Variants in APBB1IP observed in about 807,000 individuals in gnomAD.
APBB1IP encodes amyloid beta A4 precursor protein-binding family B member 1-interacting protein.
A neutral mutation model predicts 64.9 loss-of-function variants in APBB1IP; 27 were observed. The ratio of observed to expected loss-of-function variants is 0.42; its 90% confidence interval spans 0.31 to 0.57. The LOEUF is 0.57. Among genes scored for constraint, APBB1IP ranks in the 20% least tolerant of loss-of-function variants. APBB1IP has a pLI of 0.20. For missense variants in APBB1IP, 812 were observed against 845.5 expected, an observed-to-expected ratio of 0.96 and a Z score of 0.49; for synonymous variants, 392 against 331.0, an observed-to-expected ratio of 1.18 and a Z score of -2.00.
chr10:26,511,637 A>G (rs1433124876), intron 6 of APBB1IP, 110 bp from the exon 7 acceptor site: 3 of 1,331,136 alleles, frequency 2.3e-6, no homozygotes, highest in Admixed American at 4.3e-5. Context: ...AAGTTCACCA[A>G]ACACATTCTT....
chr10:26,561,064 CTTTTTTTTTT>C (rs764573338), intron 13 of APBB1IP, among the ~76,000 whole-genome samples: 13 of 69,218 alleles, frequency 1.9e-4, no homozygotes, highest in African/African-American at 3.6e-4. Flanking sequence ...TTCTTTCTTT[CTTTTTTTTTT>C]TTTTTTTTTT....
At chr10:26,472,069 T>G (rs1255243558) in intron 2 of APBB1IP, among the ~76,000 whole-genome samples, 1 of 152,110 alleles carries the variant, frequency 6.6e-6, no homozygotes, top group African/African-American at 2.4e-5. Flanking sequence ...CAGTGACAGA[T>G]GCAGAACGTT....
chr10:26,547,445 T>C (rs1379145386), intron 11 of APBB1IP, among the ~76,000 whole-genome samples: 3 of 152,140 alleles, frequency 2.0e-5, no homozygotes, highest in Non-Finnish European at 2.9e-5. Flanking sequence ...TGCTTTGTTT[T>C]GTTTTGTTTT....
At chr10:26,490,578 T>C (rs1403029964) in intron 2 of APBB1IP, among the ~76,000 whole-genome samples, 2 of 152,070 alleles carry the variant, frequency 1.3e-5, no homozygotes, top group Non-Finnish European at 2.9e-5. Flanking sequence ...TGATGTGAGA[T>C]TGCACCACTG....
intron 2 of APBB1IP, among the ~76,000 whole-genome samples, chr10:26,472,405 C>T (rs1008293101): frequency 6.6e-6 from 1 of 152,170 alleles, no homozygotes; most frequent in African/African-American, 2.4e-5. Flanking sequence ...CCACCTTCTC[C>T]TCATGTCTTT....
chr10:26,553,647 G>A (rs7096704), intron 11 of APBB1IP, among the ~76,000 whole-genome samples: 35,395 of 152,036 alleles, frequency 0.23, 4,603 homozygotes, highest in Non-Finnish European at 0.28. Context: ...AACAGAGGCA[G>A]ACCCTTTCTC....
chr10:26,554,431 T>C (rs1836869475), intron 11 of APBB1IP, among the ~76,000 whole-genome samples: 1 of 152,246 alleles, frequency 6.6e-6, no homozygotes, highest in Non-Finnish European at 1.5e-5. Context: ...AGTGCTGGCA[T>C]TCCTTGGCTT....
rs575420852 is a variant in APBB1IP, at chr10:26,454,590, G to A, written c.-1+15737G>A. Among the ~76,000 whole-genome samples the A allele has an allele frequency of 7.2e-5, 11 of 152,282 alleles. No individual in the cohort carries two copies. The East Asian group carries it at 2.1e-3, about 29-fold the overall frequency. ...GCTGGGAATGGTAGCTGGGGTGGGGGAGATGTGGGGTAGTTAATGGGTCCA... is the reference window on the plus strand; with the variant it reads ...GCTGGGAATGGTAGCTGGGGTGGGGAAGATGTGGGGTAGTTAATGGGTCCA... On this transcript the variant is annotated intron_variant, in intron 2 of 14. Coordinates refer to ENST00000376236, the MANE Select transcript of APBB1IP (RefSeq NM_019043.4).
chr10:26,490,716 A>G (rs1421291691), intron 2 of APBB1IP, among the ~76,000 whole-genome samples: 2 of 152,212 alleles, frequency 1.3e-5, no homozygotes, highest in African/African-American at 4.8e-5. Flanking sequence ...TAAAATATCT[A>G]TTGTAGGAAG....
At chr10:26,460,272 C>G (rs1213203998) in intron 2 of APBB1IP, among the ~76,000 whole-genome samples, 1 of 152,158 alleles carries the variant, frequency 6.6e-6, no homozygotes, top group African/African-American at 2.4e-5. Context: ...TAGTTTGCAT[C>G]TTCTTTTCCC....
chr10:26,512,350 C>G (rs1356676078), intron 7 of APBB1IP, among the ~76,000 whole-genome samples: 1 of 152,054 alleles, frequency 6.6e-6, no homozygotes. Flanking sequence ...GCTTAATAAG[C>G]TGAGCAGGTG....
chr10:26,560,522 G>GA (rs1280739458), intron 12 of APBB1IP, among the ~76,000 whole-genome samples: 1 of 152,158 alleles, frequency 6.6e-6, no homozygotes, highest in Non-Finnish European at 1.5e-5. Context: ...ATATGTAGGT[G>GA]AAAAAATTAA....
At chr10:26,494,793 C>T (rs1371425597) in intron 3 of APBB1IP, among the ~76,000 whole-genome samples, 1 of 151,660 alleles carries the variant, frequency 6.6e-6, no homozygotes, top group Non-Finnish European at 1.5e-5. Context: ...CCATTGCACT[C>T]CAGCCTGGGC....
intron 11 of APBB1IP, among the ~76,000 whole-genome samples, chr10:26,552,802 C>T (rs1413757246): frequency 6.6e-6 from 1 of 152,126 alleles, no homozygotes; most frequent in African/African-American, 2.4e-5. Context: ...GGAACCACAT[C>T]GTCAGCCACT....
At chr10:26,496,891 T>C (rs1345457674) in intron 4 of APBB1IP, among the ~76,000 whole-genome samples, 3 of 151,956 alleles carry the variant, frequency 2.0e-5, no homozygotes, top group Non-Finnish European at 4.4e-5. Context: ...TTTATTTTAT[T>C]ACCAAAAATC....
At chr10:26,502,735 A>G (rs962489728) in intron 5 of APBB1IP, among the ~76,000 whole-genome samples, 1 of 152,168 alleles carries the variant, frequency 6.6e-6, no homozygotes, top group Non-Finnish European at 1.5e-5. Flanking sequence ...CCAAAAAGAC[A>G]TCCTGATCCA....
intron 4 of APBB1IP, among the ~76,000 whole-genome samples, chr10:26,499,132 C>T (rs897744784): frequency 5.3e-5 from 8 of 151,602 alleles, no homozygotes; most frequent in Admixed American, 3.3e-4. Context: ...CAGGCATGCT[C>T]GTATGTGCCT....
At position 26,567,561 on chromosome 10, in the gene APBB1IP, C is replaced by G. The variant is rs1837073535; in HGVS notation, c.*73C>G. ...AGCGCAGGTTTTGCTAGCAGATTGC[C>G]CTGACATCTTGTTCATTTCAGATAA... On this transcript the variant is annotated 3_prime_UTR_variant, in exon 15 of 15. Transcript: ENST00000376236. The G allele has an allele frequency of 6.7e-7, 1 of 1,488,478 alleles. No homozygotes were observed. The highest frequency in any genetic ancestry group is 9.1e-7 in the Non-Finnish European group (1 of 1,100,676). 92.2% of individuals were successfully genotyped at this position (1,488,478 alleles called of 1,614,324 possible).
At chr10:26,458,533 A>G (rs914731160) in intron 2 of APBB1IP, among the ~76,000 whole-genome samples, 3 of 152,200 alleles carry the variant, frequency 2.0e-5, no homozygotes, top group African/African-American at 7.2e-5. Flanking sequence ...TTCCAGTATC[A>G]CTTTTTTCTC....
Sources: gnomAD v4.1 joint callset for allele counts (sites outside exome capture counted in the v4.1 genomes callset) on GRCh38, gnomAD v4.1.1 for gene constraint, MANE v1.5 for transcripts, NCBI Gene and HGNC (gene_info 2026-07-23, HGNC 2026-07-21) for gene names.